The following DHX29 variants were observed in gnomAD, a reference collection of about 807,000 sequenced individuals.
The protein encoded by DHX29 is DExH-box helicase 29, also known as ATP-dependent RNA helicase DHX29.
A neutral mutation model predicts 167.9 loss-of-function variants in DHX29; 79 were observed. The observed-to-expected ratio is 0.47, with a 90% CI of 0.39 to 0.57. The LOEUF (loss-of-function observed/expected upper bound fraction) is 0.57, where lower values mean the gene tolerates loss of function less well. Ranked by LOEUF, DHX29 falls within the 20% of genes least tolerant of loss-of-function variation. DHX29 has a pLI of 0.00. For missense variants in DHX29, 1,347 were observed against 1,593.4 expected (o/e 0.85, Z 2.63); for synonymous variants, 530 against 546.0 (o/e 0.97, Z 0.41).
rs574936435 is a variant in DHX29 at position 55,276,177 on chromosome 5, CT to C, written c.2427+88del. On this transcript the variant is annotated intron_variant, in intron 14 of 26. Coordinates refer to ENST00000251636, the MANE Select transcript of DHX29 (RefSeq NM_019030.4). The stretch of plus-strand genomic sequence containing the variant: ...ATCTATCAAATTATACTCAAATTCA[CT>C]GTGTTAACCACATGATTTTGAAACT... 70 of 1,107,982 alleles carry C rather than the reference CT, an allele frequency of 6.3e-5. No homozygotes were observed. In the East Asian group the frequency reaches 1.3e-3, roughly 21 times the overall value. The allele number at this position is 1,107,982 out of a possible 1,614,324, so 68.6% of individuals were successfully genotyped here. A position where few individuals can be genotyped will look rare whatever the true frequency, so the allele number is the denominator to read the frequency against.
rs528216434 is a variant in DHX29, at chr5:55,306,260, T to C, written c.187+1127A>G. ...CATTTCATCCTTTGGCGATGCTTTA[T>C]GTTCTGTGAATTCCTCAAGAGCCCC... On this transcript the variant is annotated intron_variant, in intron 1 of 26. Coordinates refer to ENST00000251636, the MANE Select transcript of DHX29 (RefSeq NM_019030.4). 3.0e-3 allele frequency among the ~76,000 whole-genome samples: 455 copies of C among 152,374 alleles called. 2 individuals are homozygous for C. The highest frequency in any genetic ancestry group is 4.9e-3 in the Non-Finnish European group (334 of 68,040).
intron 26 of DHX29, among the ~76,000 whole-genome samples, chr5:55,256,789 C>T (rs1210663032): frequency 6.6e-6 from 1 of 152,084 alleles, no homozygotes; most frequent in Non-Finnish European, 1.5e-5. Context: ...TTTGTATAGG[C>T]TAAACCCCAA....
At chr5:55,278,188 G>A (rs538818178) in intron 12 of DHX29, among the ~76,000 whole-genome samples, 10 of 152,176 alleles carry the variant, frequency 6.6e-5, no homozygotes, top group Non-Finnish European at 1.2e-4. Context: ...GACTGTATGA[G>A]TCTGTCTTCC....
chr5:55,298,603 T>A lies in DHX29; in HGVS notation c.249A>T (p.Lys83Asn). Residue 83 changes from lysine to asparagine, a missense_variant, in exon 2 of 27, where the codon AAA becomes AAT. Physicochemically the swap from Lys to Asn is moderately conservative, Grantham distance 94. Coordinates refer to ENST00000251636, the MANE Select transcript of DHX29 (RefSeq NM_019030.4). ...NDSSGPANLD[K>N]SILKVVINNK... ...CTTTGTTACTTACTTTCAAAATAGA[T>A]TTATCCAGATTTGCAGGACCACTAG... The A allele has an allele frequency of 6.5e-7, 1 of 1,546,624 alleles. No homozygotes were observed. Among genetic ancestry groups the A allele is most frequent in the Admixed American group, 1.7e-5 (1 of 59,226 alleles).
At chr5:55,288,448 T>G (rs1317095887) in intron 8 of DHX29, among the ~76,000 whole-genome samples, 1 of 151,150 alleles carries the variant, frequency 6.6e-6, no homozygotes, top group African/African-American at 2.4e-5. Context: ...ATTTACTATA[T>G]ACTATTATTT....
At position 55,307,486 on chromosome 5, in the gene DHX29, C is replaced by A. The variant is rs1409187722; in HGVS notation, c.88G>T (p.Ala30Ser). 1 of 1,613,642 alleles carries A rather than the reference C, an allele frequency of 6.2e-7. No homozygotes were observed. Among genetic ancestry groups the A allele is most frequent in the South Asian group, 1.1e-5 (1 of 91,088 alleles). Residue 30 changes from alanine (A) to serine (S), a missense_variant, in exon 1 of 27, where the codon GCT becomes TCT. Physicochemically the swap from Ala to Ser is moderately conservative, Grantham distance 99. Around this residue, in one of 3 missense-constraint regions of DHX29, gnomAD observed 405 missense variants for 416.8 expected, o/e 0.97. Coordinates refer to ENST00000251636, the MANE Select transcript of DHX29 (RefSeq NM_019030.4). ...CTTTGGGCCTCCCCGGCAATTCCAG[C>A]CTCGGCAGATTTGGCTCTGGAAGCA... Reference protein sequence around the residue: ...VSASRAKSAEAGIAGEAQSKK... With the variant: ...VSASRAKSAESGIAGEAQSKK...
intron 12 of DHX29, among the ~76,000 whole-genome samples, chr5:55,280,322 G>C (rs1476137430): frequency 6.6e-6 from 1 of 152,108 alleles, no homozygotes; most frequent in African/African-American, 2.4e-5. Context: ...AGTTCATCCT[G>C]ATCTATATTT....
At chr5:55,275,396 T>C (rs1747058088) in intron 14 of DHX29, among the ~76,000 whole-genome samples, 1 of 152,218 alleles carries the variant, frequency 6.6e-6, no homozygotes, top group Admixed American at 6.5e-5. Context: ...TTCTACATTC[T>C]ACTTTGGCTC....
At chr5:55,270,389 CA>C (rs779202064) in intron 20 of DHX29, 22 bp downstream of exon 20, 2 of 1,580,370 alleles carry the variant, frequency 1.3e-6, no homozygotes, top group Non-Finnish European at 1.7e-6. Context: ...GGACAAAATC[CA>C]TCCGAGTTCC....
chr5:55,302,986 A>C (rs1428902464), intron 1 of DHX29, among the ~76,000 whole-genome samples: 1 of 152,198 alleles, frequency 6.6e-6, no homozygotes, highest in East Asian at 1.9e-4. Context: ...AGTATTATGA[A>C]TTCCAAATTT....
Position 55,262,746 on chromosome 5 carries a change from C to T in DHX29, c.3712G>A (p.Asp1238Asn). The T allele has an allele frequency of 6.2e-7, 1 of 1,614,066 alleles. No homozygotes were observed. The highest frequency in any genetic ancestry group is 8.5e-7 in the Non-Finnish European group (1 of 1,179,992). The change falls in exon 24 of 27, where the codon GAT (aspartate) becomes AAT (asparagine). Residue 1238 changes from aspartate to asparagine, a missense_variant. Around this residue, in one of 3 missense-constraint regions of DHX29, gnomAD observed 882 missense variants for 1,082.4 expected, o/e 0.81. Coordinates refer to ENST00000251636, the MANE Select transcript of DHX29 (RefSeq NM_019030.4). ...ATGCAAGCCAATTTTTCTGTAACAT[C>T]CACTGACTTTGTATAGATTATCTTC... ...VGKIIYTKSV[D>N]VTEKLACIVE...
chr5:55,282,612 T>C (rs1747489389), intron 11 of DHX29, among the ~76,000 whole-genome samples: 1 of 152,216 alleles, frequency 6.6e-6, no homozygotes, highest in Non-Finnish European at 1.5e-5. Flanking sequence ...ATTTGTCATA[T>C]TTGGTTCTAA....
At chr5:55,281,682 AATCT>A (rs955282166) in intron 11 of DHX29, among the ~76,000 whole-genome samples, 167 bp from the exon 12 acceptor site, 10 of 152,172 alleles carry the variant, frequency 6.6e-5, no homozygotes, top group Non-Finnish European at 1.2e-4. Flanking sequence ...AATATTAGCA[AATCT>A]ATTTAGTGCA....
At chr5:55,266,313 T>TTTG (rs1474671195) in intron 23 of DHX29, among the ~76,000 whole-genome samples, 1 of 150,260 alleles carries the variant, frequency 6.7e-6, no homozygotes, top group African/African-American at 2.4e-5. Context: ...TGTTTTTGTT[T>TTTG]TTTTTTTTTT....
chr5:55,267,610 A>C (rs1746642065), intron 22 of DHX29, 76 bp downstream of exon 22: 1 of 1,298,030 alleles, frequency 7.7e-7, no homozygotes. Context: ...AATTTTAATA[A>C]GTCAAAGGTA....
intron 15 of DHX29, 28 bp from the exon 16 acceptor site, chr5:55,274,759 C>A: frequency 6.4e-7 from 1 of 1,566,542 alleles, no homozygotes; most frequent in South Asian, 1.2e-5. Flanking sequence ...ATACAATATT[C>A]AAAATAAGAA....
chr5:55,267,320 T>A, intron 22 of DHX29, 89 bp from the exon 23 acceptor site: 1 of 920,774 alleles, frequency 1.1e-6, no homozygotes, highest in Non-Finnish European at 1.6e-6. Context: ...AAGTAAGATT[T>A]AATTAAATTA....
At chr5:55,273,044 CTA>C (rs1422744677) in intron 17 of DHX29, among the ~76,000 whole-genome samples, 41 of 152,180 alleles carry the variant, frequency 2.7e-4, no homozygotes, top group Non-Finnish European at 3.4e-4. Flanking sequence ...AACATCCATA[CTA>C]TGTTTTTCAA....
chr5:55,283,803 A>G lies in DHX29; in HGVS notation c.1365T>C (p.His455=). The change falls in exon 11 of 27, where the codon CAT becomes CAC. Residue 455 remains histidine (H), a synonymous_variant. Transcript: ENST00000251636. ...CTCGGTAAGTGGGAGGAAGTAACTGATGAACTGACTAAAGGAAAAACAGAG... is the reference window on the plus strand; with the variant it reads ...CTCGGTAAGTGGGAGGAAGTAACTGGTGAACTGACTAAAGGAAAAACAGAG... ...LYRLVKGQSV[H]QLLPPTYRDV... The G allele has an allele frequency of 6.3e-7, 1 of 1,589,792 alleles. No homozygotes were observed.
Sources: allele counts gnomAD v4.1 joint callset (sites outside exome capture counted in the v4.1 genomes callset), GRCh38; gene constraint gnomAD v4.1.1; regional missense constraint gnomAD v4.1.1; transcripts MANE v1.5; gene names NCBI Gene and HGNC (gene_info 2026-07-23, HGNC 2026-07-21).